The following PTPRD variants were observed in gnomAD, a reference collection of about 807,000 sequenced individuals.
The protein encoded by PTPRD is receptor-type tyrosine-protein phosphatase delta.
Under a neutral mutation model 214.5 loss-of-function variants are expected in PTPRD, and 34 were observed. That is an observed-to-expected ratio of 0.16 (90% CI 0.12 to 0.21). PTPRD has a LOEUF of 0.21. PTPRD is among the 10% of genes least tolerant of loss of function. PTPRD has a pLI of 1.00. For missense variants in PTPRD, 2,545 were observed against 2,398.7 expected, an observed-to-expected ratio of 1.06 and a Z score of -1.27; for synonymous variants, 1,128 against 845.7, an observed-to-expected ratio of 1.33 and a Z score of -5.79.
At chr9:9,435,631 C>G (rs1167693884) in intron 8 of PTPRD, among the ~76,000 whole-genome samples, 2 of 152,012 alleles carry the variant, frequency 1.3e-5, no homozygotes, top group East Asian at 3.9e-4. Flanking sequence ...TAACTATTTT[C>G]CAGCAAGCAC....
At chr9:9,867,357 A>G (rs1600274945) in intron 5 of PTPRD, among the ~76,000 whole-genome samples, 1 of 152,158 alleles carries the variant, frequency 6.6e-6, no homozygotes. Context: ...ATTATACCAT[A>G]TTCTCAAATT....
intron 3 of PTPRD, among the ~76,000 whole-genome samples, chr9:10,078,411 G>A (rs1470284028): frequency 6.7e-6 from 1 of 149,988 alleles, no homozygotes; most frequent in African/African-American, 2.5e-5. Context: ...AGCTACTCAG[G>A]AGGCTGAGGA....
chr9:8,372,246 C>A (rs187392719), intron 39 of PTPRD, among the ~76,000 whole-genome samples: 8 of 151,848 alleles, frequency 5.3e-5, no homozygotes, highest in Admixed American at 3.9e-4. Flanking sequence ...GCTCAGGTTA[C>A]GTAGATGATA....
chr9:9,756,895 T>C (rs2098590804), intron 6 of PTPRD, among the ~76,000 whole-genome samples: 1 of 152,200 alleles, frequency 6.6e-6, no homozygotes, highest in African/African-American at 2.4e-5. Context: ...GTTTTCAATG[T>C]CTTTGTTGTG....
At chr9:9,673,868 G>C (rs2096878384) in intron 7 of PTPRD, among the ~76,000 whole-genome samples, 1 of 151,592 alleles carries the variant, frequency 6.6e-6, no homozygotes, top group Non-Finnish European at 1.5e-5. Context: ...AAACCCCAAA[G>C]ACAATAATAT....
At chr9:9,441,823 G>A (rs530359245) in intron 8 of PTPRD, among the ~76,000 whole-genome samples, 2 of 152,176 alleles carry the variant, frequency 1.3e-5, no homozygotes, top group African/African-American at 4.8e-5. Flanking sequence ...TTGCAGAATG[G>A]TGTCATGCTA....
At chr9:8,987,869 C>G (rs1478982183) in intron 11 of PTPRD, among the ~76,000 whole-genome samples, 1 of 151,974 alleles carries the variant, frequency 6.6e-6, no homozygotes, top group Non-Finnish European at 1.5e-5. Flanking sequence ...GACTGAAGGT[C>G]TAATTTGGGA....
At chr9:9,952,974 G>T (rs746791494) in intron 4 of PTPRD, among the ~76,000 whole-genome samples, 7 of 152,122 alleles carry the variant, frequency 4.6e-5, no homozygotes, top group Non-Finnish European at 5.9e-5. Context: ...AACCTGTGGG[G>T]TAAGGAACAT....
At chr9:9,283,310 A>C (rs1948375451) in intron 9 of PTPRD, among the ~76,000 whole-genome samples, 1 of 151,420 alleles carries the variant, frequency 6.6e-6, no homozygotes, top group African/African-American at 2.4e-5. Context: ...GTGGTAGATA[A>C]CCCACATTCA....
Position 8,690,528 on chromosome 9 carries a change from C to CAAA in PTPRD, c.64+43249_64+43251dup, listed in dbSNP as rs60727792. Among the ~76,000 whole-genome samples, 722 of 126,868 alleles carry CAAA rather than the reference C, an allele frequency of 5.7e-3. 4 individuals carry two copies. Among genetic ancestry groups the CAAA allele is most frequent in the African/African-American group, 0.018 (689 of 37,406 alleles). 83.2% of individuals were successfully genotyped at this position (126,868 alleles called of 152,430 possible). On this transcript the variant is annotated intron_variant, in intron 12 of 45. Transcript: ENST00000381196. Reference sequence around the variant, plus strand: ...TGGGCGACAGAGCAAGACTCCGTCTCAAAAAAAAAAAAAAAATTAGATTTA... The same window carrying CAAA: ...TGGGCGACAGAGCAAGACTCCGTCTCAAAAAAAAAAAAAAAAAAATTAGATTTA...
intron 3 of PTPRD, among the ~76,000 whole-genome samples, chr9:10,326,048 T>C (rs1056068996): frequency 5.3e-5 from 8 of 151,808 alleles, no homozygotes; most frequent in East Asian, 1.9e-4. Context: ...GATCCACTGA[T>C]TAATTGTAAG....
chr9:8,488,486 A>G (rs1347421713), intron 27 of PTPRD, among the ~76,000 whole-genome samples: 1 of 152,224 alleles, frequency 6.6e-6, no homozygotes, highest in Non-Finnish European at 1.5e-5. Context: ...TGTTGTATAT[A>G]TAAAACATGT....
intron 11 of PTPRD, among the ~76,000 whole-genome samples, chr9:8,941,925 C>G (rs1485413864): frequency 6.6e-6 from 1 of 152,134 alleles, no homozygotes; most frequent in Non-Finnish European, 1.5e-5. Context: ...CTTGCCTCAG[C>G]CTCCCAAGTA....
At chr9:9,882,483 AT>A (rs1034882985) in intron 5 of PTPRD, among the ~76,000 whole-genome samples, 3 of 152,102 alleles carry the variant, frequency 2.0e-5, no homozygotes, top group African/African-American at 7.2e-5. Context: ...GTACTGATAT[AT>A]TTTTATTTTA....
intron 12 of PTPRD, among the ~76,000 whole-genome samples, chr9:8,668,473 A>G (rs1001081506): frequency 6.6e-6 from 1 of 152,244 alleles, no homozygotes; most frequent in East Asian, 1.9e-4. Flanking sequence ...AGATTAAGCC[A>G]AACTGTATGG....
intron 7 of PTPRD, among the ~76,000 whole-genome samples, chr9:9,654,098 A>C (rs2154374982): frequency 6.6e-6 from 1 of 152,282 alleles, no homozygotes; most frequent in East Asian, 1.9e-4. Flanking sequence ...GGGTTCTGAT[A>C]ATTCATTCTT....
At chr9:9,114,763 C>T (rs556178759) in intron 10 of PTPRD, among the ~76,000 whole-genome samples, 46 of 152,062 alleles carry the variant, frequency 3.0e-4, no homozygotes, top group South Asian at 6.2e-4. Context: ...AGCAGATGGC[C>T]GGCATTAGGG....
chr9:8,830,938 C>G (rs2097276371), intron 11 of PTPRD, among the ~76,000 whole-genome samples: 1 of 152,098 alleles, frequency 6.6e-6, no homozygotes, highest in Non-Finnish European at 1.5e-5. Flanking sequence ...GATATATCAG[C>G]ATTTAGTATG....
At chr9:8,933,433 T>A (rs1424019670) in intron 11 of PTPRD, among the ~76,000 whole-genome samples, 9 of 149,576 alleles carry the variant, frequency 6.0e-5, no homozygotes, top group Admixed American at 1.4e-4. Flanking sequence ...TTAAGCATTT[T>A]TTCTGAATGA....
Sources: allele counts gnomAD v4.1 joint callset (sites outside exome capture counted in the v4.1 genomes callset), GRCh38; gene constraint gnomAD v4.1.1; transcripts MANE v1.5; gene names NCBI Gene and HGNC (gene_info 2026-07-23, HGNC 2026-07-21).